Variants in HSD17B12 observed in about 807,000 individuals in gnomAD.
HSD17B12 encodes the protein hydroxysteroid 17-beta dehydrogenase 12, also known as very-long-chain 3-oxoacyl-CoA reductase.
Under a neutral mutation model 39.3 loss-of-function variants are expected in HSD17B12, and 32 were observed. The observed-to-expected ratio is 0.81, with a 90% confidence interval of 0.61 to 1.09. The LOEUF is 1.09. HSD17B12 is among the 50% of genes least tolerant of loss of function. The pLI is 0.00. For synonymous variants in HSD17B12, 150 were observed against 146.7 expected (o/e 1.02, Z -0.16); for missense variants, 342 against 382.9 (o/e 0.89, Z 0.89).
intron 1 of HSD17B12, among the ~76,000 whole-genome samples, chr11:43,689,840 C>T (rs1157095388): frequency 2.6e-5 from 4 of 152,238 alleles, no homozygotes; most frequent in South Asian, 4.1e-4. Flanking sequence ...TGAGCCACCG[C>T]ACCCGGCCTG....
At chr11:43,768,132 A>G (rs1488210941) in intron 3 of HSD17B12, among the ~76,000 whole-genome samples, 1 of 152,180 alleles carries the variant, frequency 6.6e-6, no homozygotes, top group Non-Finnish European at 1.5e-5. Context: ...CCGTGACTCC[A>G]TGCTTTTAAG....
chr11:43,632,493 A>G, the HSD17B12 span, among the ~76,000 whole-genome samples: 11 of 152,314 alleles, frequency 7.2e-5, no homozygotes, highest in South Asian at 2.1e-4. Context: ...TTAGATCACC[A>G]TGGATCCTTT....
intron 1 of HSD17B12, among the ~76,000 whole-genome samples, chr11:43,737,346 C>T (rs1230499891): frequency 1.3e-5 from 2 of 152,154 alleles, no homozygotes; most frequent in African/African-American, 2.4e-5. Flanking sequence ...ATATTTTTAA[C>T]CTACACAAAC....
At chr11:43,840,466 T>C (rs1951414922) in intron 9 of HSD17B12, among the ~76,000 whole-genome samples, 1 of 152,126 alleles carries the variant, frequency 6.6e-6, no homozygotes, top group South Asian at 2.1e-4. Context: ...CGTGCAACCA[T>C]TGTCACCGTC....
intron 1 of HSD17B12, among the ~76,000 whole-genome samples, chr11:43,689,148 A>C (rs1216627590): frequency 6.6e-6 from 1 of 152,234 alleles, no homozygotes; most frequent in East Asian, 1.9e-4. Context: ...TTAGTGAGTA[A>C]ATCTAAGATA....
chr11:43,755,363 G>T (rs986621741), intron 3 of HSD17B12: 3 of 152,628 alleles, frequency 2.0e-5, no homozygotes, highest in African/African-American at 7.2e-5. Flanking sequence ...TACTAGAACT[G>T]AAATTGTAAT....
chr11:43,695,691 C>CTTCTTG (rs35523806), intron 1 of HSD17B12, among the ~76,000 whole-genome samples: 5 of 151,868 alleles, frequency 3.3e-5, no homozygotes, highest in Non-Finnish European at 4.4e-5. Context: ...TCTTCTTCTT[C>CTTCTTG]TTTTTAAGCC....
the HSD17B12 span, among the ~76,000 whole-genome samples, chr11:43,616,432 A>AAAAC: frequency 3.1e-4 from 47 of 150,932 alleles, no homozygotes; most frequent in Non-Finnish European, 5.6e-4. Flanking sequence ...AAACAAAAAA[A>AAAAC]AAACAAACAA....
the HSD17B12 span, among the ~76,000 whole-genome samples, chr11:43,563,416 G>T: frequency 7.2e-5 from 11 of 152,200 alleles, no homozygotes; most frequent in Non-Finnish European, 1.3e-4. Flanking sequence ...AAATTTATCT[G>T]CTCAGTGTCC....
chr11:43,774,106 G>A (rs1425753268), intron 3 of HSD17B12, among the ~76,000 whole-genome samples: 1 of 152,176 alleles, frequency 6.6e-6, no homozygotes, highest in Non-Finnish European at 1.5e-5. Flanking sequence ...CCATGTAAAG[G>A]TGTCAGCTCT....
intron 1 of HSD17B12, among the ~76,000 whole-genome samples, chr11:43,720,079 T>A (rs760636750): frequency 4.6e-5 from 7 of 152,152 alleles, no homozygotes. Context: ...ATGAGAAGGG[T>A]CTATATTTTC....
intron 3 of HSD17B12, among the ~76,000 whole-genome samples, chr11:43,782,133 G>C (rs1013294378): frequency 6.6e-6 from 1 of 152,114 alleles, no homozygotes; most frequent in Non-Finnish European, 1.5e-5. Flanking sequence ...CTGAGAACTC[G>C]TTTTGCCCCT....
chr11:43,606,539 A>T, the HSD17B12 span, among the ~76,000 whole-genome samples: 1 of 152,384 alleles, frequency 6.6e-6, no homozygotes, highest in South Asian at 2.1e-4. Flanking sequence ...CCTCAAAACA[A>T]GCTCAACTGT....
chr11:43,671,195 C>T, the HSD17B12 span, among the ~76,000 whole-genome samples: 1 of 152,078 alleles, frequency 6.6e-6, no homozygotes, highest in African/African-American at 2.4e-5. Flanking sequence ...GATGGAGTCT[C>T]ACTCTGTTGC....
At chr11:43,645,056 A>G in the HSD17B12 span, 1 of 152,154 alleles carries the variant, frequency 6.6e-6, no homozygotes, top group Non-Finnish European at 1.5e-5. Flanking sequence ...ATTTATGGAA[A>G]TTAGGTTTGC....
At chr11:43,723,597 T>A (rs1280484528) in intron 1 of HSD17B12, among the ~76,000 whole-genome samples, 1 of 152,180 alleles carries the variant, frequency 6.6e-6, no homozygotes, top group East Asian at 1.9e-4. Context: ...AAAATGAAAA[T>A]CATTACACTT....
chr11:43,814,789 A>G (rs184157060), intron 4 of HSD17B12, among the ~76,000 whole-genome samples: 50 of 152,238 alleles, frequency 3.3e-4, no homozygotes, highest in Admixed American at 3.0e-3. Context: ...AAAGGCTCCC[A>G]TGGCACTCTG....
At chr11:43,729,600 G>T (rs149122930) in intron 1 of HSD17B12, among the ~76,000 whole-genome samples, 1 of 152,152 alleles carries the variant, frequency 6.6e-6, no homozygotes, top group Admixed American at 6.5e-5. Flanking sequence ...ATAAGAGGAC[G>T]CTTAAATCAG....
intron 2 of HSD17B12, among the ~76,000 whole-genome samples, chr11:43,752,194 T>C (rs769299349): frequency 4.2e-4 from 64 of 152,302 alleles, no homozygotes; most frequent in Middle Eastern, 3.4e-3. Flanking sequence ...AAGCATTTTT[T>C]CATCAGGAAG....
Sources: gnomAD v4.1 joint callset for allele counts (sites outside exome capture counted in the v4.1 genomes callset) on GRCh38, gnomAD v4.1.1 for gene constraint, MANE v1.5 for transcripts, NCBI Gene and HGNC (gene_info 2026-07-23, HGNC 2026-07-21) for gene names.